Variants in BLTP2 observed in about 807,000 individuals in gnomAD.
The protein encoded by BLTP2 is U937-associated antigen.
At chr17:28,625,334 CAAAAAAAAAAAAAA>C in the BLTP2 span, among the ~76,000 whole-genome samples, 1 of 29,064 alleles carries the variant, frequency 3.4e-5, no homozygotes, top group African/African-American at 1.2e-4. Flanking sequence ...GACTCCGTCT[CAAAAAAAAAAAAAA>C]AAAAAAAAAA....
At chr17:28,633,410 AC>A in the BLTP2 span, 1 of 1,608,338 alleles carries the variant, frequency 6.2e-7, no homozygotes. Context: ...TCCTATGACC[AC>A]CCCCGAGAAT....
At chr17:28,623,976 A>C in the BLTP2 span, 4 of 1,611,998 alleles carry the variant, frequency 2.5e-6, no homozygotes, top group Admixed American at 6.7e-5. Flanking sequence ...TCTATGCCAG[A>C]GATAGAAGCA....
chr17:28,615,989 C>T, the BLTP2 span: 2 of 1,066,228 alleles, frequency 1.9e-6, no homozygotes, highest in African/African-American at 1.6e-5. Flanking sequence ...GATTTATCAC[C>T]CACAGCTCAG....
At chr17:28,629,472 A>T in the BLTP2 span, among the ~76,000 whole-genome samples, 1 of 151,212 alleles carries the variant, frequency 6.6e-6, no homozygotes, top group Non-Finnish European at 1.5e-5. Flanking sequence ...TTTATTTTTT[A>T]TTTATTTATT....
the BLTP2 span, chr17:28,636,899 A>AT: frequency 8.0e-6 from 10 of 1,253,816 alleles, no homozygotes; most frequent in Non-Finnish European, 1.1e-5. Flanking sequence ...AAAAAAAAAA[A>AT]GACAGAGAAA....
chr17:28,617,266 G>T, the BLTP2 span: 1 of 1,614,122 alleles, frequency 6.2e-7, no homozygotes. Flanking sequence ...GTTGTTCATG[G>T]TAAACCAGCC....
chr17:28,643,283 C>A, the BLTP2 span: 1 of 1,614,186 alleles, frequency 6.2e-7, no homozygotes. Flanking sequence ...CTGATACGCA[C>A]TTCTCCAAAG....
At chr17:28,616,366 G>T in the BLTP2 span, 2 of 1,614,064 alleles carry the variant, frequency 1.2e-6, no homozygotes, top group Non-Finnish European at 1.7e-6. The surrounding 1 kb of genome is among the most constrained non-coding windows in gnomAD (Gnocchi z 4.8). Context: ...ATCATCAGGG[G>T]CATGTTTGGT....
chr17:28,638,075 A>G, the BLTP2 span: 1 of 1,614,164 alleles, frequency 6.2e-7, no homozygotes, highest in East Asian at 2.2e-5. Flanking sequence ...GGACAGGCCC[A>G]GAGGCTGGTT....
the BLTP2 span, chr17:28,643,997 T>G: frequency 1.9e-6 from 3 of 1,544,578 alleles, no homozygotes; most frequent in Non-Finnish European, 1.7e-6. Flanking sequence ...AAAAGGAAAT[T>G]AAGAGTTTAA....
At chr17:28,615,874 G>T in the BLTP2 span, 1 of 1,520,702 alleles carries the variant, frequency 6.6e-7, no homozygotes, top group Non-Finnish European at 9.0e-7. Context: ...GTCCCAGCCA[G>T]CCACTTGAGT....
the BLTP2 span, chr17:28,644,150 G>A: frequency 1.2e-5 from 20 of 1,614,006 alleles, no homozygotes; most frequent in Non-Finnish European, 1.6e-5. Context: ...TGCAGCTTCC[G>A]CTGACACCAC....
At chr17:28,616,969 A>G in the BLTP2 span, 1 of 1,613,914 alleles carries the variant, frequency 6.2e-7, no homozygotes, top group East Asian at 2.2e-5. This position sits in a 1 kb window ranked among gnomAD's most constrained non-coding sequence, Gnocchi z 4.8. Flanking sequence ...TGTCGCCCAG[A>G]CTGGCAGGAG....
At chr17:28,641,485 C>G in the BLTP2 span, among the ~76,000 whole-genome samples, 1 of 151,878 alleles carries the variant, frequency 6.6e-6, no homozygotes, top group Non-Finnish European at 1.5e-5. Flanking sequence ...ACTAAAAATA[C>G]AAAAATTAGC....
chr17:28,614,511 G>A, the BLTP2 span: 41 of 227,430 alleles, frequency 1.8e-4, no homozygotes, highest in Non-Finnish European at 2.5e-4. Context: ...TATATCCTAC[G>A]GGGAAGGGTA....
chr17:28,615,157 C>T, the BLTP2 span: 1 of 1,614,188 alleles, frequency 6.2e-7, no homozygotes, highest in Non-Finnish European at 8.5e-7. Context: ...CCTCTTCCTG[C>T]TGTTGCATGT....
At chr17:28,643,148 G>A in the BLTP2 span, 8 of 1,613,986 alleles carry the variant, frequency 5.0e-6, no homozygotes, top group African/African-American at 1.3e-5. Flanking sequence ...CAGGATAGCA[G>A]GAGAAGTTGT....
At chr17:28,620,763 A>C in the BLTP2 span, 3 of 1,062,316 alleles carry the variant, frequency 2.8e-6, no homozygotes, top group Non-Finnish European at 4.2e-6. Flanking sequence ...ATGGGCAGAA[A>C]CATGTTTACT....
chr17:28,619,891 T>A, the BLTP2 span: 1 of 1,614,064 alleles, frequency 6.2e-7, no homozygotes, highest in South Asian at 1.1e-5. Context: ...CTTCTCCAGC[T>A]GTCGTATTTG....
Sources: gnomAD v4.1 joint callset for allele counts (sites outside exome capture counted in the v4.1 genomes callset) on GRCh38, gnomAD v4.1.1 for gene constraint, Gnocchi (gnomAD v3.1) non-coding constraint, MANE v1.5 for transcripts, NCBI Gene and HGNC (gene_info 2026-07-23, HGNC 2026-07-21) for gene names.